The following PPP1R9A variants were observed in gnomAD, a reference collection of about 807,000 sequenced individuals.
PPP1R9A encodes neurabin-1.
A neutral mutation model predicts 141.9 loss-of-function variants in PPP1R9A; 59 were observed. The observed-to-expected ratio is 0.42, with a 90% CI of 0.34 to 0.52. The LOEUF (loss-of-function observed/expected upper bound fraction) is 0.52. Ranked by LOEUF, PPP1R9A falls within the 20% of genes least tolerant of loss-of-function variation. The pLI is 0.10. For missense variants in PPP1R9A, 1,444 were observed against 1,611.9 expected (o/e 0.90, Z 1.78); for synonymous variants, 500 against 569.7 (o/e 0.88, Z 1.74).
At chr7:94,936,871 T>A (rs1794827120) in intron 2 of PPP1R9A, among the ~76,000 whole-genome samples, 1 of 152,116 alleles carries the variant, frequency 6.6e-6, no homozygotes, top group South Asian at 2.1e-4. Context: ...CTCTAGTTGT[T>A]AAAAGACTCT....
At chr7:95,213,733 A>G (rs1252295286) in intron 7 of PPP1R9A, among the ~76,000 whole-genome samples, 1 of 152,134 alleles carries the variant, frequency 6.6e-6, no homozygotes, top group African/African-American at 2.4e-5. Context: ...TAAGACTTTG[A>G]AAACCATCAA....
At position 95,073,728 on chromosome 7, in the gene PPP1R9A, T is replaced by C. The variant is rs149718575; in HGVS notation, c.1396-37531T>C. 2.7e-3 allele frequency among the ~76,000 whole-genome samples: 375 copies of C among 141,024 alleles called. 4 individuals carry two copies. The highest frequency in any genetic ancestry group is 9.2e-3 in the African/African-American group (353 of 38,554). 92.5% of individuals were successfully genotyped at this position (141,024 alleles called of 152,430 possible). On this transcript the variant is annotated intron_variant, in intron 2 of 19. Transcript: ENST00000433360. ...AATTTTAGATGCATATATAAATACATATATATATAAATAAATACTGTTTTT... is the reference window on the plus strand; with the variant it reads ...AATTTTAGATGCATATATAAATACACATATATATAAATAAATACTGTTTTT...
intron 2 of PPP1R9A, among the ~76,000 whole-genome samples, chr7:94,921,742 A>G (rs541079177): frequency 5.3e-5 from 8 of 152,188 alleles, no homozygotes; most frequent in Admixed American, 2.6e-4. Flanking sequence ...GTGGAATAAT[A>G]AAATACAGTA....
At chr7:95,284,979 A>G (rs770367825) in intron 17 of PPP1R9A, among the ~76,000 whole-genome samples, 1 of 152,202 alleles carries the variant, frequency 6.6e-6, no homozygotes. Context: ...AATTCTTTTC[A>G]GTTTCAATTT....
At chr7:95,059,841 T>C (rs1180791699) in intron 2 of PPP1R9A, among the ~76,000 whole-genome samples, 1 of 152,168 alleles carries the variant, frequency 6.6e-6, no homozygotes, top group Non-Finnish European at 1.5e-5. Context: ...AAACCTTGGA[T>C]TCTGATCTAG....
chr7:95,024,238 A>G (rs1806462556), intron 2 of PPP1R9A, among the ~76,000 whole-genome samples: 2 of 152,176 alleles, frequency 1.3e-5, no homozygotes, highest in African/African-American at 2.4e-5. Flanking sequence ...TGTGGTGCTC[A>G]GAATGTATAT....
rs146613290 is a variant in PPP1R9A at position 95,267,175 on chromosome 7, G to A, written c.2666-1375G>A. On this transcript the variant is annotated intron_variant, in intron 12 of 19. Coordinates refer to ENST00000433360, the MANE Select transcript of PPP1R9A (RefSeq NM_001166160.2). ...AAGTGCTAGGTTTCATAGACAAGAGGCACAAACTGAGGTGCTTCCTTGCTT... is the reference window on the plus strand; with the variant it reads ...AAGTGCTAGGTTTCATAGACAAGAGACACAAACTGAGGTGCTTCCTTGCTT... 1.5e-3 allele frequency among the ~76,000 whole-genome samples: 231 copies of A among 152,210 alleles called. 1 individual carries two copies. The highest frequency in any genetic ancestry group is 5.5e-3 in the African/African-American group (227 of 41,560).
intron 7 of PPP1R9A, among the ~76,000 whole-genome samples, chr7:95,205,927 C>CT (rs1252948115): frequency 1.3e-5 from 2 of 152,090 alleles, no homozygotes; most frequent in Non-Finnish European, 1.5e-5. Context: ...GACCCTATCT[C>CT]TATCACACTA....
chr7:95,210,313 C>T (rs576544208), intron 7 of PPP1R9A, among the ~76,000 whole-genome samples: 8 of 151,840 alleles, frequency 5.3e-5, no homozygotes, highest in Middle Eastern at 3.4e-3. Context: ...GATCCAATAA[C>T]GATAGTGTAA....
At chr7:95,209,417 G>A (rs971361390) in intron 7 of PPP1R9A, among the ~76,000 whole-genome samples, 8 of 152,094 alleles carry the variant, frequency 5.3e-5, no homozygotes, top group Non-Finnish European at 1.0e-4. Flanking sequence ...TGTCACCTGC[G>A]GGTGTTTGTG....
chr7:94,988,658 C>G (rs1801136334), intron 2 of PPP1R9A, among the ~76,000 whole-genome samples: 2 of 151,948 alleles, frequency 1.3e-5, no homozygotes, highest in South Asian at 2.1e-4. Flanking sequence ...TGAGAAACGT[C>G]TACTTTCTAA....
intron 5 of PPP1R9A, among the ~76,000 whole-genome samples, chr7:95,171,103 A>G (rs1194574144): frequency 6.6e-6 from 1 of 151,600 alleles, no homozygotes; most frequent in East Asian, 1.9e-4. Context: ...GAGTTATACA[A>G]CAAGGATAAA....
chr7:94,923,067 A>C (rs1408451667), intron 2 of PPP1R9A, among the ~76,000 whole-genome samples: 1 of 152,174 alleles, frequency 6.6e-6, no homozygotes, highest in African/African-American at 2.4e-5. Flanking sequence ...AACTTTTGAC[A>C]GTTGAATTCA....
chr7:95,118,015 GA>G (rs1394402799), intron 3 of PPP1R9A, among the ~76,000 whole-genome samples: 3 of 151,824 alleles, frequency 2.0e-5, no homozygotes, highest in South Asian at 2.1e-4. Context: ...TCATCAGTGT[GA>G]AAAAAAATTC....
chr7:95,260,971 G>A (rs1800345006), intron 12 of PPP1R9A, among the ~76,000 whole-genome samples: 1 of 151,958 alleles, frequency 6.6e-6, no homozygotes, highest in South Asian at 2.1e-4. Flanking sequence ...ACATATTATG[G>A]TCTGGTTCAC....
chr7:94,922,279 C>T (rs972266368), intron 2 of PPP1R9A, among the ~76,000 whole-genome samples: 7 of 151,994 alleles, frequency 4.6e-5, no homozygotes, highest in Middle Eastern at 3.4e-3. Flanking sequence ...ACAATCCCTG[C>T]GCCAGTACTT....
intron 12 of PPP1R9A, among the ~76,000 whole-genome samples, chr7:95,265,524 T>G (rs938988596): frequency 1.5e-4 from 23 of 152,214 alleles, no homozygotes; most frequent in African/African-American, 5.1e-4. Context: ...CCCAGCAGCA[T>G]AAATCTTATA....
intron 2 of PPP1R9A, among the ~76,000 whole-genome samples, chr7:95,039,442 C>T (rs1808902196): frequency 6.6e-6 from 1 of 151,886 alleles, no homozygotes; most frequent in Non-Finnish European, 1.5e-5. Context: ...CCTATAATCC[C>T]AGCTACTCTG....
chr7:95,159,110 A>G (rs1042113374), intron 4 of PPP1R9A, among the ~76,000 whole-genome samples: 4 of 152,230 alleles, frequency 2.6e-5, no homozygotes, highest in Admixed American at 1.3e-4. Flanking sequence ...GCAATATTTT[A>G]TTATACCTAA....
Sources: allele counts gnomAD v4.1 joint callset (sites outside exome capture counted in the v4.1 genomes callset), GRCh38; gene constraint gnomAD v4.1.1; transcripts MANE v1.5; gene names NCBI Gene and HGNC (gene_info 2026-07-23, HGNC 2026-07-21).